The following QTGAL variants were observed in gnomAD, a reference collection of about 807,000 sequenced individuals.
QTGAL encodes the protein BGnT-like protein 1.
At chr17:83,049,466 G>A in the QTGAL span, among the ~76,000 whole-genome samples, 4 of 145,918 alleles carry the variant, frequency 2.7e-5, no homozygotes, top group Non-Finnish European at 6.0e-5. Flanking sequence ...AGGCTGGAGT[G>A]CAGTGGCTCG....
At chr17:83,050,984 C>T in the QTGAL span, among the ~76,000 whole-genome samples, 5 of 147,282 alleles carry the variant, frequency 3.4e-5, no homozygotes, top group African/African-American at 5.1e-5. Flanking sequence ...TGACGGCAGA[C>T]GTGTGGGGTG....
At chr17:82,998,423 G>A in the QTGAL span, among the ~76,000 whole-genome samples, 1 of 152,210 alleles carries the variant, frequency 6.6e-6, no homozygotes, top group Non-Finnish European at 1.5e-5. Context: ...TCGGCTCACT[G>A]CAAGCTCTGC....
chr17:83,026,116 G>A, the QTGAL span, among the ~76,000 whole-genome samples: 1,020 of 152,298 alleles, frequency 6.7e-3, 11 homozygotes, highest in South Asian at 0.036. Context: ...ACCATAACCC[G>A]TGACCAGGAA....
chr17:82,951,176 C>T, the QTGAL span, among the ~76,000 whole-genome samples: 1 of 152,202 alleles, frequency 6.6e-6, no homozygotes, highest in African/African-American at 2.4e-5. Context: ...TTGACTTCTC[C>T]CTACCTATGA....
At chr17:83,009,432 A>AAAGTAACT in the QTGAL span, among the ~76,000 whole-genome samples, 1 of 151,830 alleles carries the variant, frequency 6.6e-6, no homozygotes, top group African/African-American at 2.4e-5. Flanking sequence ...TCAAAAAAAA[A>AAAGTAACT]AAGTAACTCA....
the QTGAL span, among the ~76,000 whole-genome samples, chr17:83,024,951 C>T: frequency 0.038 from 5,827 of 152,312 alleles, 171 homozygotes; most frequent in African/African-American, 0.082. Flanking sequence ...GCTGCAAGAC[C>T]GCAGTCCTCG....
At chr17:83,014,435 T>A in the QTGAL span, 1 of 1,612,102 alleles carries the variant, frequency 6.2e-7, no homozygotes, top group South Asian at 1.1e-5. Context: ...GTAACGACAC[T>A]AAGGAGGCCA....
chr17:82,983,968 C>A, the QTGAL span, among the ~76,000 whole-genome samples: 2 of 151,662 alleles, frequency 1.3e-5, no homozygotes, highest in African/African-American at 4.9e-5. Flanking sequence ...CATGAGCACA[C>A]AGAAGAGAGG....
chr17:82,957,141 G>A, the QTGAL span: 258 of 1,612,330 alleles, frequency 1.6e-4, no homozygotes, highest in African/African-American at 3.2e-3. Flanking sequence ...CCCGGAGCAG[G>A]TGGTTGACCC....
chr17:82,995,247 C>T, the QTGAL span, among the ~76,000 whole-genome samples: 1 of 152,138 alleles, frequency 6.6e-6, no homozygotes, highest in Non-Finnish European at 1.5e-5. Flanking sequence ...GTCAAATTCT[C>T]CATGTTTGCA....
chr17:83,025,846 G>A, the QTGAL span, among the ~76,000 whole-genome samples: 11 of 152,256 alleles, frequency 7.2e-5, no homozygotes, highest in Non-Finnish European at 1.6e-4. Context: ...GTCCGGGTGA[G>A]TACATCCCTG....
the QTGAL span, chr17:82,942,292 A>T: frequency 9.5e-7 from 1 of 1,048,726 alleles, no homozygotes. Context: ...TGTCAGCCAC[A>T]TAGCTCAGGC....
the QTGAL span, among the ~76,000 whole-genome samples, chr17:82,996,391 G>A: frequency 6.6e-6 from 1 of 151,996 alleles, no homozygotes; most frequent in East Asian, 1.9e-4. Context: ...GTATGGTGGT[G>A]CGCACCTGTA....
the QTGAL span, among the ~76,000 whole-genome samples, chr17:83,032,080 C>A: frequency 6.6e-6 from 1 of 152,156 alleles, no homozygotes; most frequent in Non-Finnish European, 1.5e-5. Flanking sequence ...GGGAGCTGAA[C>A]AACCAGGTCA....
chr17:82,997,941 A>C, the QTGAL span, among the ~76,000 whole-genome samples: 122 of 147,834 alleles, frequency 8.3e-4, no homozygotes, highest in African/African-American at 2.8e-3. Context: ...ATATATATAT[A>C]TATATATCTA....
At chr17:82,969,315 A>T in the QTGAL span, among the ~76,000 whole-genome samples, 2 of 79,168 alleles carry the variant, frequency 2.5e-5, no homozygotes, top group Non-Finnish European at 6.6e-5. Context: ...GTGCACCACC[A>T]CGCCTGGCTG....
the QTGAL span, among the ~76,000 whole-genome samples, chr17:82,987,637 T>C: frequency 6.6e-6 from 1 of 152,230 alleles, no homozygotes. Context: ...TATGTGTCTG[T>C]TTTTGTACCA....
chr17:82,984,080 C>A, the QTGAL span, among the ~76,000 whole-genome samples: 1 of 133,120 alleles, frequency 7.5e-6, no homozygotes, highest in Admixed American at 7.5e-5. Context: ...AGGGGAGAGG[C>A]CACGTGAGCA....
At chr17:82,945,320 GAATGA>G in the QTGAL span, 2 of 152,306 alleles carry the variant, frequency 1.3e-5, no homozygotes, top group African/African-American at 4.8e-5. Flanking sequence ...TGGGGTCTCA[GAATGA>G]AATGAAATGA....
Sources: allele counts gnomAD v4.1 joint callset (sites outside exome capture counted in the v4.1 genomes callset), GRCh38; gene constraint gnomAD v4.1.1; transcripts MANE v1.5; gene names NCBI Gene and HGNC (gene_info 2026-07-23, HGNC 2026-07-21).